Variants in ASB2 observed in about 807,000 individuals in gnomAD.
ASB2 encodes the protein ankyrin repeat and SOCS box containing 2.
A neutral mutation model predicts 62.4 loss-of-function variants in ASB2; 58 were observed. That is an observed-to-expected ratio of 0.93 (90% confidence interval 0.75 to 1.16). ASB2 has a LOEUF of 1.16. Among genes scored for constraint, ASB2 ranks in the 50% most tolerant of loss-of-function variants. The pLI, the probability that ASB2 is intolerant of heterozygous loss-of-function variation, is 0.00. For synonymous variants in ASB2, 386 were observed against 385.3 expected, an observed-to-expected ratio of 1.00 and a Z score of -0.02; for missense variants, 928 against 887.9, an observed-to-expected ratio of 1.05 and a Z score of -0.57.
chr14:93,957,671 C>T (rs1889274419), intron 2 of ASB2, among the ~76,000 whole-genome samples: 1 of 152,170 alleles, frequency 6.6e-6, no homozygotes, highest in Admixed American at 6.5e-5. Context: ...GGGTGTTCCA[C>T]ATGTACTCAC....
chr14:93,948,676 T>G (rs914581007), intron 6 of ASB2, among the ~76,000 whole-genome samples: 6 of 151,334 alleles, frequency 4.0e-5, no homozygotes, highest in Non-Finnish European at 5.9e-5. Flanking sequence ...CTCACACTTG[T>G]AATCCCAGCA....
intron 5 of ASB2, among the ~76,000 whole-genome samples, chr14:93,951,456 C>A (rs4353433): frequency 0.59 from 89,360 of 152,124 alleles, 26,890 homozygotes; most frequent in East Asian, 0.77. Context: ...ATTCATATGC[C>A]TAGTACTGGT....
Position 93,937,828 on chromosome 14 carries a change from T to G in ASB2, c.1641A>C (p.Pro547=), listed in dbSNP as rs751671391. 6.2e-7 allele frequency: 1 copy of G among 1,603,572 alleles called. No homozygotes were observed. The highest frequency in any genetic ancestry group is 1.1e-5 in the South Asian group (1 of 90,774). ...TGGGCCCCGCCCAGCGGCTCACCTC[T>G]GGGGCAGATACGAACTCACAGAACT... The part of the protein sequence containing the change: ...VVQFCEFVSA[P]EVSRWAGPII... Residue 547 remains proline, a synonymous_variant, in exon 9 of 10, where the codon CCA becomes CCC. Transcript: ENST00000555019.
At chr14:93,949,854 C>T (rs150401757) in intron 6 of ASB2, among the ~76,000 whole-genome samples, 8 of 152,136 alleles carry the variant, frequency 5.3e-5, no homozygotes, top group East Asian at 1.9e-4. Flanking sequence ...TTTGTTCTTA[C>T]GCTGGGCAGT....
intron 2 of ASB2, among the ~76,000 whole-genome samples, chr14:93,961,353 C>T (rs921978797): frequency 1.3e-5 from 2 of 152,244 alleles, no homozygotes; most frequent in African/African-American, 4.8e-5. Flanking sequence ...CTTCTCTTTC[C>T]ACTCTGCTGC....
At chr14:93,970,355 G>A (rs1275220004) in intron 1 of ASB2, among the ~76,000 whole-genome samples, 1 of 152,222 alleles carries the variant, frequency 6.6e-6, no homozygotes, top group Non-Finnish European at 1.5e-5. Context: ...GGCTGTGTTT[G>A]TGGATGGAGC....
At chr14:93,970,227 C>T (rs552496743) in intron 1 of ASB2, among the ~76,000 whole-genome samples, 19 of 152,116 alleles carry the variant, frequency 1.2e-4, no homozygotes, top group Non-Finnish European at 2.5e-4. Flanking sequence ...GCTGGGAAGG[C>T]GGGGCCAAGA....
chr14:93,957,687 A>C (rs1244675546), intron 2 of ASB2, among the ~76,000 whole-genome samples: 2 of 152,124 alleles, frequency 1.3e-5, no homozygotes, highest in Non-Finnish European at 2.9e-5. Flanking sequence ...CTCACTCTTC[A>C]TTTTATCATC....
intron 5 of ASB2, among the ~76,000 whole-genome samples, chr14:93,952,941 A>C (rs983960012): frequency 6.6e-6 from 1 of 152,210 alleles, no homozygotes; most frequent in Non-Finnish European, 1.5e-5. Flanking sequence ...GCATACCTTC[A>C]TGCCTTTGCC....
intron 6 of ASB2, 31 bp from the exon 7 acceptor site, chr14:93,947,551 C>A (rs1306895200): frequency 1.4e-5 from 23 of 1,609,150 alleles, no homozygotes; most frequent in Non-Finnish European, 2.0e-5. Flanking sequence ...AGCAAGTGGC[C>A]AAGTGACCGG....
At chr14:93,973,569 C>G (rs1421160394) in intron 1 of ASB2, among the ~76,000 whole-genome samples, 1 of 152,234 alleles carries the variant, frequency 6.6e-6, no homozygotes, top group Non-Finnish European at 1.5e-5. Context: ...AAAGCACCCA[C>G]AAAAGTCAAG....
At chr14:93,941,530 G>A in intron 7 of ASB2, 1 of 401,370 alleles carries the variant, frequency 2.5e-6, no homozygotes, top group Admixed American at 3.0e-5. Context: ...CACACCCGGG[G>A]GGCTAATTGC....
chr14:93,953,557 C>T lies in ASB2; in HGVS notation c.479-50G>A, dbSNP rs372920582. On this transcript the variant is annotated intron_variant, in intron 4 of 9. Coordinates refer to ENST00000555019, the MANE Select transcript of ASB2 (RefSeq NM_001202429.2). ...CATGTAGGAGAAAGATACTCAGCCCCGCAACACAGAGGCTTTCCCGATTGC... is the reference window on the plus strand; with the variant it reads ...CATGTAGGAGAAAGATACTCAGCCCTGCAACACAGAGGCTTTCCCGATTGC... The T allele has an allele frequency of 2.7e-5, 40 of 1,483,158 alleles. 1 individual carries two copies. In the Admixed American group the frequency reaches 3.5e-4, roughly 13 times the overall value. The allele number at this position is 1,483,158 out of a possible 1,614,324, so 91.9% of individuals were successfully genotyped here. A position where few individuals can be genotyped will look rare whatever the true frequency, so the allele number is the denominator to read the frequency against.
At chr14:93,942,889 C>T (rs182989915) in intron 7 of ASB2, among the ~76,000 whole-genome samples, 60 of 152,294 alleles carry the variant, frequency 3.9e-4, no homozygotes, top group African/African-American at 1.4e-3. Context: ...ATAGCTATAG[C>T]TACCCTTTAT....
rs1052711005 is a variant in ASB2, at chr14:93,938,651, G to A, written c.1617+457C>T. Among the ~76,000 whole-genome samples the A allele has an allele frequency of 3.9e-5, 6 of 152,254 alleles. No homozygotes were observed. The South Asian group carries it at 1.2e-3, about 32-fold the overall frequency. On this transcript the variant is annotated intron_variant, in intron 8 of 9. Coordinates refer to ENST00000555019, the MANE Select transcript of ASB2 (RefSeq NM_001202429.2). The stretch of plus-strand genomic sequence containing the variant: ...TGCTCTTGACATGCCTTTCCGGATC[G>A]TGCTTGTTTCACATCGCATTCCAGG...
intron 7 of ASB2, chr14:93,939,980 C>G (rs1888456833): frequency 2.8e-6 from 1 of 352,228 alleles, no homozygotes; most frequent in Non-Finnish European, 5.1e-6. Context: ...CCCTTGGCCT[C>G]CGAAGTCTGA....
chr14:93,955,335 C>T (rs1020650625), intron 3 of ASB2: 3 of 361,070 alleles, frequency 8.3e-6, no homozygotes, highest in Non-Finnish European at 1.6e-5. Context: ...AGCAGCACTT[C>T]CTCCTGACTC....
At chr14:93,946,135 G>A (rs978352174) in intron 7 of ASB2, among the ~76,000 whole-genome samples, 26 of 152,354 alleles carry the variant, frequency 1.7e-4, no homozygotes, top group African/African-American at 5.8e-4. Context: ...AGTTTGGGAA[G>A]CACTGTCCAG....
At chr14:93,948,498 A>G (rs886771697) in intron 6 of ASB2, among the ~76,000 whole-genome samples, 2 of 152,266 alleles carry the variant, frequency 1.3e-5, no homozygotes, top group Non-Finnish European at 2.9e-5. Context: ...CATGCTATTA[A>G]TATTGATCCT....
Sources: gnomAD v4.1 joint callset for allele counts (sites outside exome capture counted in the v4.1 genomes callset) on GRCh38, gnomAD v4.1.1 for gene constraint, MANE v1.5 for transcripts, NCBI Gene and HGNC (gene_info 2026-07-23, HGNC 2026-07-21) for gene names.